Variants in SCFD2 observed in about 807,000 individuals in gnomAD.
SCFD2 encodes the protein sec1 family domain-containing protein 2.
Under a neutral mutation model 58.9 loss-of-function variants are expected in SCFD2, and 54 were observed. The ratio of observed to expected loss-of-function variants is 0.92; its 90% CI spans 0.74 to 1.15. The LOEUF is 1.15. SCFD2 is among the 50% of genes most tolerant of loss of function. The probability of loss-of-function intolerance (pLI) is 0.00; values close to 1 mark genes in which losing one functional copy is unlikely to be tolerated. For missense variants in SCFD2, 805 were observed against 836.6 expected, an observed-to-expected ratio of 0.96 and a Z score of 0.47; for synonymous variants, 321 against 335.9, an observed-to-expected ratio of 0.96 and a Z score of 0.49.
chr4:52,946,285 C>T (rs1364615596), intron 5 of SCFD2, among the ~76,000 whole-genome samples: 1 of 152,034 alleles, frequency 6.6e-6, no homozygotes, highest in Non-Finnish European at 1.5e-5. Context: ...ATAGGTTTAT[C>T]TCAGTATGCC....
intron 5 of SCFD2, among the ~76,000 whole-genome samples, chr4:52,948,047 T>C (rs2109525061): frequency 6.6e-6 from 1 of 150,820 alleles, no homozygotes; most frequent in Middle Eastern, 3.5e-3. Flanking sequence ...CAAAAAATTC[T>C]TTACACAGGA....
At chr4:53,361,168 AAACT>A (rs978437270) in intron 1 of SCFD2, among the ~76,000 whole-genome samples, 2 of 152,196 alleles carry the variant, frequency 1.3e-5, no homozygotes, top group Non-Finnish European at 2.9e-5. Context: ...TAACAATACA[AAACT>A]AACTCTCTCT....
chr4:53,138,343 T>C (rs1726004711), intron 5 of SCFD2, among the ~76,000 whole-genome samples: 1 of 152,216 alleles, frequency 6.6e-6, no homozygotes, highest in Non-Finnish European at 1.5e-5. Flanking sequence ...TATGCTTTTT[T>C]TGATATACCT....
At chr4:53,301,989 A>G (rs894558380) in intron 3 of SCFD2, among the ~76,000 whole-genome samples, 1 of 152,234 alleles carries the variant, frequency 6.6e-6, no homozygotes, top group Non-Finnish European at 1.5e-5. Context: ...ACCCACAGCC[A>G]GTATCATACT....
At chr4:53,073,925 G>A (rs1486445804) in intron 5 of SCFD2, among the ~76,000 whole-genome samples, 1 of 152,156 alleles carries the variant, frequency 6.6e-6, no homozygotes, top group Non-Finnish European at 1.5e-5. Context: ...GTTGATGGCT[G>A]CTGACTGATC....
intron 2 of SCFD2, among the ~76,000 whole-genome samples, chr4:53,346,074 G>C (rs577220923): frequency 6.6e-6 from 1 of 151,958 alleles, no homozygotes; most frequent in African/African-American, 2.4e-5. Context: ...CGTTGTGCAC[G>C]TGTACCCTAG....
At chr4:52,974,933 T>G (rs932362002) in intron 5 of SCFD2, among the ~76,000 whole-genome samples, 2 of 152,188 alleles carry the variant, frequency 1.3e-5, no homozygotes, top group African/African-American at 4.8e-5. Context: ...GATTCCCTAT[T>G]TAATAAATGG....
intron 5 of SCFD2, among the ~76,000 whole-genome samples, chr4:53,097,747 A>G (rs920199375): frequency 6.6e-6 from 1 of 152,144 alleles, no homozygotes; most frequent in Non-Finnish European, 1.5e-5. Flanking sequence ...AACTTCCAAT[A>G]CTATGTTGAA....
chr4:53,008,492 T>A (rs969893088), intron 5 of SCFD2, among the ~76,000 whole-genome samples: 2 of 152,196 alleles, frequency 1.3e-5, no homozygotes, highest in Non-Finnish European at 2.9e-5. Context: ...TTTAAACTTA[T>A]CATATTCATT....
chr4:53,253,283 T>C (rs1245230904), intron 4 of SCFD2, among the ~76,000 whole-genome samples: 5 of 152,198 alleles, frequency 3.3e-5, no homozygotes. Flanking sequence ...ACTTTTACAC[T>C]GTTGGTGGGA....
chr4:53,148,667 TG>T (rs1490250330), intron 4 of SCFD2, among the ~76,000 whole-genome samples: 2 of 152,168 alleles, frequency 1.3e-5, no homozygotes, highest in African/African-American at 4.8e-5. Context: ...ACCATTGTTG[TG>T]AGGGCAGCAA....
intron 4 of SCFD2, among the ~76,000 whole-genome samples, chr4:53,176,309 CAAAGG>C (rs1471168946): frequency 6.6e-6 from 1 of 152,128 alleles, no homozygotes; most frequent in Non-Finnish European, 1.5e-5. Context: ...AGACAACACT[CAAAGG>C]AAATTTATTT....
chr4:52,975,327 A>G (rs574961372), intron 5 of SCFD2, among the ~76,000 whole-genome samples: 4 of 152,236 alleles, frequency 2.6e-5, no homozygotes, highest in Admixed American at 6.5e-5. Context: ...TTTATAAGAA[A>G]AAAACAAACA....
At chr4:52,997,184 C>A (rs992864805) in intron 5 of SCFD2, among the ~76,000 whole-genome samples, 1 of 152,200 alleles carries the variant, frequency 6.6e-6, no homozygotes, top group Non-Finnish European at 1.5e-5. Flanking sequence ...CCCCTCTGCG[C>A]CCACTTCAGA....
At chr4:53,030,406 A>G (rs73141441) in intron 5 of SCFD2, among the ~76,000 whole-genome samples, 1,924 of 152,148 alleles carry the variant, frequency 0.013, 40 homozygotes, top group African/African-American at 0.044. Context: ...AATGGTACAG[A>G]CACTTTGGAA....
intron 5 of SCFD2, among the ~76,000 whole-genome samples, chr4:52,923,525 C>T (rs1719793524): frequency 7.7e-6 from 1 of 130,504 alleles, no homozygotes; most frequent in South Asian, 2.6e-4. Flanking sequence ...AATGTGTGGT[C>T]AAGCTCAGTG....
At chr4:53,058,425 T>C (rs1246410801) in intron 5 of SCFD2, among the ~76,000 whole-genome samples, 2 of 152,074 alleles carry the variant, frequency 1.3e-5, no homozygotes, top group Non-Finnish European at 2.9e-5. Context: ...ACATATAATG[T>C]CTCGGGGAAA....
At chr4:53,164,398 G>C (rs1337598279) in intron 4 of SCFD2, among the ~76,000 whole-genome samples, 1 of 152,092 alleles carries the variant, frequency 6.6e-6, no homozygotes, top group Non-Finnish European at 1.5e-5. Context: ...TATGATGTGC[G>C]CCACAGTAGC....
At chr4:53,078,571 CTA>C (rs1284927411) in intron 5 of SCFD2, among the ~76,000 whole-genome samples, 1 of 152,166 alleles carries the variant, frequency 6.6e-6, no homozygotes, top group Non-Finnish European at 1.5e-5. Context: ...GGCATTGACT[CTA>C]TGCGCTAGTA....
Sources: allele counts gnomAD v4.1 joint callset (sites outside exome capture counted in the v4.1 genomes callset), GRCh38; gene constraint gnomAD v4.1.1; transcripts MANE v1.5; gene names NCBI Gene and HGNC (gene_info 2026-07-23, HGNC 2026-07-21).